The following POFUT3 variants were observed in gnomAD, a reference collection of about 807,000 sequenced individuals.
The protein encoded by POFUT3 is protein O-fucosyltransferase 3, also known as GDP-fucose protein O-fucosyltransferase 3.
At chr8:33,417,722 C>T in the POFUT3 span, among the ~76,000 whole-genome samples, 1 of 152,052 alleles carries the variant, frequency 6.6e-6, no homozygotes, top group African/African-American at 2.4e-5. Flanking sequence ...GCCTCCTCCA[C>T]CAAGAGCCAA....
the POFUT3 span, among the ~76,000 whole-genome samples, chr8:33,425,085 C>T: frequency 2.7e-4 from 41 of 152,220 alleles, no homozygotes; most frequent in South Asian, 8.5e-3. Context: ...CCTGTAATCC[C>T]AGGACTTTGG....
the POFUT3 span, among the ~76,000 whole-genome samples, chr8:33,369,120 C>T: frequency 6.6e-6 from 1 of 152,142 alleles, no homozygotes; most frequent in Admixed American, 6.5e-5. Context: ...GGGTAATGAC[C>T]ACAGATAGCT....
At chr8:33,451,169 A>ATT in the POFUT3 span, among the ~76,000 whole-genome samples, 229 of 150,780 alleles carry the variant, frequency 1.5e-3, no homozygotes, top group African/African-American at 5.2e-3. Context: ...TAGATTTTGG[A>ATT]TTTTTTTTTA....
chr8:33,333,968 C>T, the POFUT3 span, among the ~76,000 whole-genome samples: 1 of 152,114 alleles, frequency 6.6e-6, no homozygotes, highest in Non-Finnish European at 1.5e-5. Context: ...GTTCTTCTCT[C>T]CTTCATTTTT....
At chr8:33,440,346 A>T in the POFUT3 span, among the ~76,000 whole-genome samples, 1 of 152,132 alleles carries the variant, frequency 6.6e-6, no homozygotes, top group Non-Finnish European at 1.5e-5. Context: ...TGGGCAACTG[A>T]GCAAGACCCT....
chr8:33,471,780 G>C, the POFUT3 span, among the ~76,000 whole-genome samples: 1 of 152,138 alleles, frequency 6.6e-6, no homozygotes, highest in Non-Finnish European at 1.5e-5. Context: ...AGTAAAAGTT[G>C]AGATCGTGTT....
At chr8:33,415,000 G>A in the POFUT3 span, among the ~76,000 whole-genome samples, 2 of 149,964 alleles carry the variant, frequency 1.3e-5, no homozygotes, top group Admixed American at 6.6e-5. Context: ...GGTGGCTCAC[G>A]TCTGTAATCC....
the POFUT3 span, among the ~76,000 whole-genome samples, chr8:33,343,765 G>A: frequency 6.6e-6 from 1 of 152,186 alleles, no homozygotes; most frequent in African/African-American, 2.4e-5. Flanking sequence ...GAACATTCTA[G>A]AAGAGAAAAT....
At chr8:33,402,988 G>A in the POFUT3 span, among the ~76,000 whole-genome samples, 42 of 151,792 alleles carry the variant, frequency 2.8e-4, no homozygotes, top group African/African-American at 9.0e-4. Context: ...TTAAGCCCAG[G>A]AGGCAGAGGT....
At chr8:33,340,370 A>G in the POFUT3 span, among the ~76,000 whole-genome samples, 3 of 151,900 alleles carry the variant, frequency 2.0e-5, no homozygotes, top group South Asian at 2.1e-4. Flanking sequence ...GTCTAGCTAC[A>G]TATGTGTGTG....
chr8:33,458,137 A>G, the POFUT3 span, among the ~76,000 whole-genome samples: 1 of 152,126 alleles, frequency 6.6e-6, no homozygotes, highest in African/African-American at 2.4e-5. Context: ...GACACACACA[A>G]TTACAGAGAG....
At chr8:33,419,857 G>T in the POFUT3 span, among the ~76,000 whole-genome samples, 1 of 152,128 alleles carries the variant, frequency 6.6e-6, no homozygotes, top group Non-Finnish European at 1.5e-5. Flanking sequence ...GGCCAGGCAT[G>T]GTGGCTCAGC....
the POFUT3 span, among the ~76,000 whole-genome samples, chr8:33,328,015 G>A: frequency 1.5e-3 from 233 of 152,296 alleles, 3 homozygotes; most frequent in African/African-American, 5.3e-3. Flanking sequence ...TTAACTGCCT[G>A]CTGAAGGTGA....
At chr8:33,466,490 G>A in the POFUT3 span, among the ~76,000 whole-genome samples, 2 of 151,666 alleles carry the variant, frequency 1.3e-5, no homozygotes. Context: ...AATGGAAGGA[G>A]AGAGAAAAGA....
the POFUT3 span, among the ~76,000 whole-genome samples, chr8:33,437,253 T>C: frequency 6.6e-6 from 1 of 152,010 alleles, no homozygotes; most frequent in South Asian, 2.1e-4. Context: ...TTTTCTTCCT[T>C]TCCAACATCA....
chr8:33,398,801 C>T, the POFUT3 span, among the ~76,000 whole-genome samples: 29 of 152,272 alleles, frequency 1.9e-4, 2 homozygotes, highest in South Asian at 6.0e-3. Context: ...TAGATCTCAT[C>T]TGTATTTTCT....
the POFUT3 span, among the ~76,000 whole-genome samples, chr8:33,381,934 T>C: frequency 1.3e-5 from 2 of 152,198 alleles, no homozygotes; most frequent in African/African-American, 4.8e-5. Context: ...CTTACCATTA[T>C]CTAGCACAAT....
the POFUT3 span, among the ~76,000 whole-genome samples, chr8:33,359,977 G>C: frequency 2.6e-5 from 4 of 152,062 alleles, no homozygotes; most frequent in African/African-American, 9.7e-5. Context: ...CTGGACTCCA[G>C]CCTGGGCAAA....
chr8:33,388,511 A>T, the POFUT3 span, among the ~76,000 whole-genome samples: 1 of 151,512 alleles, frequency 6.6e-6, no homozygotes, highest in Non-Finnish European at 1.5e-5. Flanking sequence ...TAATTTTTAT[A>T]TTTTTAGTAG....
Sources: gnomAD v4.1 joint callset for allele counts (sites outside exome capture counted in the v4.1 genomes callset) on GRCh38, gnomAD v4.1.1 for gene constraint, MANE v1.5 for transcripts, NCBI Gene and HGNC (gene_info 2026-07-23, HGNC 2026-07-21) for gene names.